Variants in SMIM19 observed in about 807,000 individuals in gnomAD.
SMIM19 encodes small integral membrane protein 19, also known as UPF0697 protein C8orf40.
Under a neutral mutation model 13.2 loss-of-function variants are expected in SMIM19, and 6 were observed. The observed-to-expected ratio is 0.45, with a 90% CI of 0.25 to 0.90. SMIM19 has a LOEUF of 0.90. Among genes scored for constraint, SMIM19 ranks in the 40% least tolerant of loss-of-function variants. SMIM19 has a pLI of 0.19. For missense variants in SMIM19, 138 were observed against 131.0 expected, an observed-to-expected ratio of 1.05 and a Z score of -0.26; for synonymous variants, 46 against 43.1, an observed-to-expected ratio of 1.07 and a Z score of -0.27.
At chr8:42,542,679 G>A (rs1479955615) in intron 1 of SMIM19, among the ~76,000 whole-genome samples, 2 of 151,970 alleles carry the variant, frequency 1.3e-5, no homozygotes, top group Non-Finnish European at 2.9e-5. Flanking sequence ...AGTAGTTCTC[G>A]GCTGGGCACG....
rs914627524 is a variant in SMIM19 at position 42,553,542 on chromosome 8, C to G, written c.*934C>G. 1.5e-4 allele frequency: 23 copies of G among 152,246 alleles called. No homozygotes were observed. The highest frequency in any genetic ancestry group is 5.3e-4 in the African/African-American group (22 of 41,450). 9.4% of individuals were successfully genotyped at this position (152,246 alleles called of 1,614,324 possible). On this transcript the variant is annotated 3_prime_UTR_variant, in exon 4 of 4. Transcript: ENST00000417410. ...TAAGCTTTCCTAAAGAGCCTCATAT[C>G]TTTTCCCATGCTGTACTGTACAATG...
intron 1 of SMIM19, among the ~76,000 whole-genome samples, chr8:42,545,437 G>GGCAT (rs1237782902): frequency 6.6e-6 from 1 of 152,172 alleles, no homozygotes; most frequent in African/African-American, 2.4e-5. Context: ...CAGTGTGGGA[G>GGCAT]GCATGCGGGG....
rs1046208175 is a variant in SMIM19 at position 42,554,372 on chromosome 8, G to A, written c.*1764G>A. 2 of 151,952 alleles carry A rather than the reference G, an allele frequency of 1.3e-5. No individual in the cohort carries two copies. Among genetic ancestry groups the A allele is most frequent in the South Asian group, 2.1e-4 (1 of 4,730 alleles). 9.4% of individuals were successfully genotyped at this position (151,952 alleles called of 1,614,324 possible). Reference sequence around the variant, plus strand: ...AATCAGCAGTAGGAGTGGTTTACTCGTCACTGACATGTGGCACAATCTGGA... The same window carrying A: ...AATCAGCAGTAGGAGTGGTTTACTCATCACTGACATGTGGCACAATCTGGA... On this transcript the variant is annotated 3_prime_UTR_variant, in exon 4 of 4. Coordinates refer to ENST00000417410, the MANE Select transcript of SMIM19 (RefSeq NM_001135674.2).
In SMIM19 at chr8:42,554,313, A is replaced by G. The variant is rs77311848; in HGVS notation, c.*1705A>G. ...CAATCTTCTAAACTTGCCTTTGCCT[A>G]GGAGAGCTACTGTATATTTCCACAA... On this transcript the variant is annotated 3_prime_UTR_variant, in exon 4 of 4. Coordinates refer to ENST00000417410, the MANE Select transcript of SMIM19 (RefSeq NM_001135674.2). 1 of 152,212 alleles carries G rather than the reference A, an allele frequency of 6.6e-6. No homozygotes were observed. The highest frequency in any genetic ancestry group is 1.5e-5 in the Non-Finnish European group (1 of 68,044). The allele number at this position is 152,212 out of a possible 1,614,324, so 9.4% of individuals were successfully genotyped here.
chr8:42,550,089 T>C (rs990449204), intron 3 of SMIM19, among the ~76,000 whole-genome samples: 4 of 151,784 alleles, frequency 2.6e-5, no homozygotes, highest in African/African-American at 9.7e-5. Context: ...AGAGTGAAAC[T>C]TCGTCTTAAA....
intron 1 of SMIM19, 152 bp downstream of exon 1, chr8:42,542,525 C>G: frequency 4.2e-6 from 4 of 951,680 alleles, no homozygotes; most frequent in Non-Finnish European, 5.0e-6. Flanking sequence ...TAACAAAGTT[C>G]TAAGTGAGAG....
At chr8:42,548,547 T>G (rs2131494869) in intron 2 of SMIM19, 109 bp from the exon 3 acceptor site, 4 of 1,411,550 alleles carry the variant, frequency 2.8e-6, no homozygotes, top group Non-Finnish European at 4.0e-6. Flanking sequence ...TAAAATGGTC[T>G]TGTCATTTAA....
rs375813567 is a variant in SMIM19 at position 42,547,862 on chromosome 8, G to T, written c.135-794G>T. On this transcript the variant is annotated intron_variant, in intron 2 of 3. Transcript: ENST00000417410. Reference sequence around the variant, plus strand: ...AGGTGCAGGGATGCTTTAAAAAGAGGAAGAGCAGTGTTAGATTGGGATGCT... The same window carrying T: ...AGGTGCAGGGATGCTTTAAAAAGAGTAAGAGCAGTGTTAGATTGGGATGCT... 1.6e-4 allele frequency among the ~76,000 whole-genome samples: 25 copies of T among 152,324 alleles called. No homozygotes were observed. In the East Asian group the frequency reaches 4.6e-3, roughly 28 times the overall value.
At chr8:42,545,904 T>C (rs937742650) in intron 1 of SMIM19, among the ~76,000 whole-genome samples, 1 of 152,186 alleles carries the variant, frequency 6.6e-6, no homozygotes, top group Non-Finnish European at 1.5e-5. Flanking sequence ...CATTTCAAGC[T>C]CAGTCCTTTT....
intron 1 of SMIM19, among the ~76,000 whole-genome samples, chr8:42,544,691 A>C (rs1413007614): frequency 2.0e-5 from 3 of 152,230 alleles, no homozygotes; most frequent in Non-Finnish European, 2.9e-5. Flanking sequence ...ATGGCTGTTC[A>C]TGATACTCAC....
At position 42,548,706 on chromosome 8, in the gene SMIM19, CTT is replaced by C; in HGVS notation, c.187_188del (p.Leu63ValfsTer7). The C allele has an allele frequency of 6.2e-7, 1 of 1,613,892 alleles. No individual in the cohort carries two copies. The highest frequency in any genetic ancestry group is 8.5e-7 in the Non-Finnish European group (1 of 1,179,920). ...TTCAGTGTGCCACCTACAGAGGAAA[CTT>C]TGTCAGAGCCCAACTTTTATGACAC... On this transcript the variant is annotated frameshift_variant, in exon 3 of 4. Transcript: ENST00000417410. LOFTEE classifies it high-confidence loss of function.
At chr8:42,552,212 A>G (rs1453999033) in intron 3 of SMIM19, among the ~76,000 whole-genome samples, 1 of 151,886 alleles carries the variant, frequency 6.6e-6, no homozygotes, top group Non-Finnish European at 1.5e-5. Context: ...TGAGGCCAGG[A>G]GTTCAAGACC....
upstream of SMIM19, chr8:42,541,368 G>C (rs1813133802): frequency 6.8e-6 from 1 of 147,838 alleles, no homozygotes; most frequent in Non-Finnish European, 1.5e-5. Flanking sequence ...CCCGGGAGTC[G>C]GGCCGGGGGC....
At chr8:42,543,255 C>G (rs912943587) in intron 1 of SMIM19, among the ~76,000 whole-genome samples, 1 of 152,050 alleles carries the variant, frequency 6.6e-6, no homozygotes, top group Non-Finnish European at 1.5e-5. Context: ...TGTGGCATGC[C>G]GGGGAGGAGG....
At chr8:42,543,523 G>T (rs748317875) in intron 1 of SMIM19, among the ~76,000 whole-genome samples, 1 of 152,098 alleles carries the variant, frequency 6.6e-6, no homozygotes, top group South Asian at 2.1e-4. Flanking sequence ...TATAATTCAC[G>T]TTAAAATTTT....
chr8:42,546,512 A>G lies in SMIM19; in HGVS notation c.40A>G (p.Ile14Val), dbSNP rs76293169. 1.9e-6 allele frequency: 3 copies of G among 1,613,880 alleles called. No homozygotes were observed. Among genetic ancestry groups the G allele is most frequent in the Admixed American group, 1.7e-5 (1 of 59,934 alleles). ...GYGVMGDDGS[I>V]DYTVHEAWNE... ...TGGAGTGATGGGTGACGATGGTTCT[A>G]TTGATTATACTGTTCACGAAGCCTG... Residue 14 changes from isoleucine to valine, a missense_variant, in exon 2 of 4, where the codon ATT becomes GTT. Physicochemically the swap from Ile to Val is conservative, Grantham distance 29. Transcript: ENST00000417410.
chr8:42,542,399 C>CCAAG (rs1475411213), intron 1 of SMIM19, 26 bp downstream of exon 1: 1 of 983,682 alleles, frequency 1.0e-6, no homozygotes, highest in Non-Finnish European at 1.2e-6. Context: ...CTTCAGAATA[C>CCAAG]CAAGCCTTTA....
At chr8:42,549,886 C>T (rs1813612416) in intron 3 of SMIM19, among the ~76,000 whole-genome samples, 1 of 152,012 alleles carries the variant, frequency 6.6e-6, no homozygotes, top group African/African-American at 2.4e-5. Flanking sequence ...CACTTGAGGT[C>T]AGGAGTTCGA....
At position 42,552,714 on chromosome 8, in the gene SMIM19, C is replaced by T; in HGVS notation, c.*106C>T. On this transcript the variant is annotated 3_prime_UTR_variant, in exon 4 of 4. Coordinates refer to ENST00000417410, the MANE Select transcript of SMIM19 (RefSeq NM_001135674.2). Reference sequence around the variant, plus strand: ...TTTCTGTCTGCATAAAATTATTTTACTTGTAACTTTTCCCCAATTGTTCTG... The same window carrying T: ...TTTCTGTCTGCATAAAATTATTTTATTTGTAACTTTTCCCCAATTGTTCTG... 1 of 1,338,382 alleles carries T rather than the reference C, an allele frequency of 7.5e-7. No homozygotes were observed. The highest frequency in any genetic ancestry group is 1.0e-6 in the Non-Finnish European group (1 of 954,992). The allele number at this position is 1,338,382 out of a possible 1,614,324, so 82.9% of individuals were successfully genotyped here.
Sources: allele counts gnomAD v4.1 joint callset (sites outside exome capture counted in the v4.1 genomes callset), GRCh38; gene constraint gnomAD v4.1.1; transcripts MANE v1.5; gene names NCBI Gene and HGNC (gene_info 2026-07-23, HGNC 2026-07-21).